The following CSTPP1 variants were observed in gnomAD, a reference collection of about 807,000 sequenced individuals.
The protein encoded by CSTPP1 is centriolar satellite-associated tubulin polyglutamylase complex regulator 1.
the CSTPP1 span, among the ~76,000 whole-genome samples, chr11:47,060,251 T>G: frequency 8.3e-6 from 1 of 121,210 alleles, no homozygotes; most frequent in African/African-American, 3.4e-5. Context: ...TCTTTCTCTT[T>G]TCTTTTCTTT....
At chr11:47,084,645 C>A in the CSTPP1 span, among the ~76,000 whole-genome samples, 2 of 152,172 alleles carry the variant, frequency 1.3e-5, no homozygotes, top group African/African-American at 4.8e-5. Flanking sequence ...ATTGAAAAGA[C>A]TTTCCTTCTC....
the CSTPP1 span, among the ~76,000 whole-genome samples, chr11:47,112,055 C>A: frequency 1.3e-5 from 2 of 152,162 alleles, no homozygotes; most frequent in South Asian, 4.1e-4. Flanking sequence ...GGCACACTCC[C>A]TCCTTAAGAC....
the CSTPP1 span, among the ~76,000 whole-genome samples, chr11:47,043,161 G>A: frequency 6.6e-6 from 1 of 152,132 alleles, no homozygotes; most frequent in Non-Finnish European, 1.5e-5. Flanking sequence ...CACAGTGCAG[G>A]AGACTGGAGC....
At chr11:47,155,661 G>A in the CSTPP1 span, 1 of 217,548 alleles carries the variant, frequency 4.6e-6, no homozygotes, top group Non-Finnish European at 9.4e-6. Flanking sequence ...CAAGCTCACA[G>A]AAGTAGTAGC....
chr11:47,077,917 A>C, the CSTPP1 span, among the ~76,000 whole-genome samples: 5 of 152,238 alleles, frequency 3.3e-5, no homozygotes, highest in African/African-American at 1.2e-4. Flanking sequence ...CGAGAAAGAA[A>C]TAATCATTCT....
the CSTPP1 span, among the ~76,000 whole-genome samples, chr11:47,105,148 A>C: frequency 6.6e-6 from 1 of 152,144 alleles, no homozygotes; most frequent in Non-Finnish European, 1.5e-5. Context: ...CATGTAGCTC[A>C]TGTGCCTGCC....
At chr11:47,160,049 C>G in the CSTPP1 span, 1 of 226,736 alleles carries the variant, frequency 4.4e-6, no homozygotes, top group Non-Finnish European at 8.8e-6. Context: ...CACCTGTAAT[C>G]CCAGCATTTG....
At chr11:47,148,084 C>T in the CSTPP1 span, among the ~76,000 whole-genome samples, 9 of 152,276 alleles carry the variant, frequency 5.9e-5, no homozygotes, top group East Asian at 1.9e-4. Flanking sequence ...TTGTGCAGCA[C>T]GAGTGTGCCT....
the CSTPP1 span, chr11:47,160,831 C>G: frequency 6.8e-6 from 3 of 439,760 alleles, no homozygotes; most frequent in African/African-American, 2.0e-5. Flanking sequence ...AACTCAACTC[C>G]CAGCACCAGG....
the CSTPP1 span, among the ~76,000 whole-genome samples, chr11:46,975,299 AAT>A: frequency 1.3e-5 from 2 of 152,232 alleles, no homozygotes; most frequent in African/African-American, 2.4e-5. Context: ...AAAGTTAGAA[AAT>A]ATATTTCTAT....
chr11:46,976,425 T>TAC, the CSTPP1 span, among the ~76,000 whole-genome samples: 48 of 141,134 alleles, frequency 3.4e-4, no homozygotes, highest in Admixed American at 7.1e-4. Context: ...ACACACACAG[T>TAC]ACACACACAC....
the CSTPP1 span, among the ~76,000 whole-genome samples, chr11:47,158,310 C>A: frequency 0.64 from 97,939 of 151,866 alleles, 32,735 homozygotes; most frequent in African/African-American, 0.83. Flanking sequence ...AAACAAGGCA[C>A]AGGTGTGTCT....
the CSTPP1 span, among the ~76,000 whole-genome samples, chr11:47,086,929 A>G: frequency 6.6e-6 from 1 of 152,194 alleles, no homozygotes; most frequent in Non-Finnish European, 1.5e-5. Flanking sequence ...TCTGTACAGT[A>G]TAGCTATATT....
At chr11:47,067,373 A>G in the CSTPP1 span, among the ~76,000 whole-genome samples, 1 of 152,216 alleles carries the variant, frequency 6.6e-6, no homozygotes, top group Non-Finnish European at 1.5e-5. Context: ...TGAAAAGATC[A>G]GATGACTCAA....
At chr11:46,989,627 A>G in the CSTPP1 span, among the ~76,000 whole-genome samples, 1 of 152,148 alleles carries the variant, frequency 6.6e-6, no homozygotes, top group Non-Finnish European at 1.5e-5. Context: ...ATATCACAGA[A>G]CTGTTTTTAG....
chr11:47,117,868 ATTTCT>A, the CSTPP1 span, among the ~76,000 whole-genome samples: 4 of 114,138 alleles, frequency 3.5e-5, no homozygotes, highest in African/African-American at 6.6e-5. Context: ...TTCTCGCTGT[ATTTCT>A]TTTCTTTTTT....
the CSTPP1 span, among the ~76,000 whole-genome samples, chr11:46,967,289 C>T: frequency 2.6e-5 from 4 of 152,150 alleles, no homozygotes; most frequent in Admixed American, 2.0e-4. Context: ...ATATGAATAT[C>T]GAAGTATTCC....
the CSTPP1 span, among the ~76,000 whole-genome samples, chr11:46,965,444 T>C: frequency 0.16 from 24,481 of 152,022 alleles, 6,653 homozygotes; most frequent in African/African-American, 0.56. Flanking sequence ...AGGCTGGTCT[T>C]GAACTCCTGA....
At chr11:46,939,637 TA>T in the CSTPP1 span, among the ~76,000 whole-genome samples, 2 of 112,284 alleles carry the variant, frequency 1.8e-5, no homozygotes, top group Non-Finnish European at 4.2e-5. Flanking sequence ...AATGCATAGA[TA>T]GATAGATAGA....
Sources: allele counts gnomAD v4.1 joint callset (sites outside exome capture counted in the v4.1 genomes callset), GRCh38; gene constraint gnomAD v4.1.1; transcripts MANE v1.5; gene names NCBI Gene and HGNC (gene_info 2026-07-23, HGNC 2026-07-21).